The following CNTN5 variants were observed in gnomAD, a reference collection of about 807,000 sequenced individuals.
CNTN5 encodes the protein contactin-5.
A neutral mutation model predicts 129.1 loss-of-function variants in CNTN5; 77 were observed. That is an observed-to-expected ratio of 0.60 (90% CI 0.50 to 0.72). The LOEUF is 0.72. Among genes scored for constraint, CNTN5 ranks in the 30% least tolerant of loss-of-function variants. The pLI, the probability that CNTN5 is intolerant of heterozygous loss-of-function variation, is 0.00. For synonymous variants in CNTN5, 509 were observed against 465.6 expected, an observed-to-expected ratio of 1.09 and a Z score of -1.20; for missense variants, 1,478 against 1,328.8, an observed-to-expected ratio of 1.11 and a Z score of -1.75.
At chr11:99,974,731 G>A (rs1034986825) in intron 8 of CNTN5, among the ~76,000 whole-genome samples, 1 of 152,120 alleles carries the variant, frequency 6.6e-6, no homozygotes, top group African/African-American at 2.4e-5. Context: ...TTAATTATCT[G>A]TCAAATTATC....
intron 3 of CNTN5, among the ~76,000 whole-genome samples, chr11:99,660,436 T>C (rs1411838997): frequency 6.6e-6 from 1 of 152,126 alleles, no homozygotes; most frequent in Non-Finnish European, 1.5e-5. Context: ...TGTATCTATA[T>C]GTCAAAACTC....
chr11:100,244,299 T>A (rs1275777141), intron 16 of CNTN5, among the ~76,000 whole-genome samples: 2 of 152,184 alleles, frequency 1.3e-5, no homozygotes, highest in Admixed American at 1.3e-4. Context: ...TTTTTCCTCT[T>A]TAACTGCTAG....
rs558003020 is a variant in CNTN5, at chr11:99,619,371, A to T, written c.55+63102A>T. Among the ~76,000 whole-genome samples, 15 of 152,166 alleles carry T rather than the reference A, an allele frequency of 9.9e-5. No individual in the cohort carries two copies. In the South Asian group the frequency reaches 2.7e-3, roughly 27 times the overall value. Reference sequence around the variant, plus strand: ...GAGCAACTAATTAAACATAATATATATTTCTGTCTGGTTTTTCGTTATGTT... The same window carrying T: ...GAGCAACTAATTAAACATAATATATTTTTCTGTCTGGTTTTTCGTTATGTT... On this transcript the variant is annotated intron_variant, in intron 3 of 24. Coordinates refer to ENST00000524871, the MANE Select transcript of CNTN5 (RefSeq NM_014361.4).
intron 1 of CNTN5, among the ~76,000 whole-genome samples, chr11:99,188,524 C>A (rs1376859545): frequency 2.6e-5 from 4 of 151,710 alleles, no homozygotes; most frequent in Non-Finnish European, 4.4e-5. Context: ...TGAGATTGAG[C>A]AACTTTCATG....
intron 6 of CNTN5, among the ~76,000 whole-genome samples, chr11:99,852,050 T>G (rs1947889968): frequency 1.3e-5 from 2 of 152,222 alleles, no homozygotes; most frequent in African/African-American, 4.8e-5. Flanking sequence ...TGAATATTAA[T>G]CTGAATGAGT....
chr11:100,122,565 G>A (rs927655134), intron 13 of CNTN5, among the ~76,000 whole-genome samples: 1 of 152,102 alleles, frequency 6.6e-6, no homozygotes, highest in Non-Finnish European at 1.5e-5. Flanking sequence ...GGAGAGGTCA[G>A]ATTTGAGCAT....
chr11:99,315,455 A>C (rs1865299971), intron 1 of CNTN5, among the ~76,000 whole-genome samples: 1 of 149,462 alleles, frequency 6.7e-6, no homozygotes, highest in Non-Finnish European at 1.5e-5. Context: ...TGAGGAAAGC[A>C]CCAGGTTGAA....
chr11:99,140,514 G>C (rs527827612), intron 1 of CNTN5, among the ~76,000 whole-genome samples: 1 of 151,718 alleles, frequency 6.6e-6, no homozygotes, highest in Non-Finnish European at 1.5e-5. Context: ...GCTCAGACTA[G>C]GCCTTTCAGT....
At chr11:99,547,303 C>T (rs759017837) in intron 2 of CNTN5, among the ~76,000 whole-genome samples, 10 of 152,032 alleles carry the variant, frequency 6.6e-5, no homozygotes, top group South Asian at 2.1e-4. Flanking sequence ...CGCGCCTGGT[C>T]GAAAATTATT....
chr11:99,294,368 C>A (rs1002495821), intron 1 of CNTN5, among the ~76,000 whole-genome samples: 11 of 152,020 alleles, frequency 7.2e-5, no homozygotes, highest in African/African-American at 2.4e-4. Flanking sequence ...TTTCTATGTG[C>A]CAGCAGCAAA....
At chr11:100,202,782 C>G (rs1948813006) in intron 15 of CNTN5, among the ~76,000 whole-genome samples, 1 of 151,886 alleles carries the variant, frequency 6.6e-6, no homozygotes, top group Non-Finnish European at 1.5e-5. Context: ...AATGAGAACA[C>G]TGAGCCCCAG....
At chr11:100,185,481 G>A (rs565372081) in intron 13 of CNTN5, among the ~76,000 whole-genome samples, 1 of 152,216 alleles carries the variant, frequency 6.6e-6, no homozygotes, top group African/African-American at 2.4e-5. Context: ...AAAGAAGAGC[G>A]AGGTCTCGGT....
In CNTN5 at chr11:99,978,983, C is replaced by T. The variant is rs546102273; in HGVS notation, c.877+21974C>T. Among the ~76,000 whole-genome samples the T allele has an allele frequency of 7.6e-4, 116 of 152,194 alleles. 1 individual carries two copies. The highest frequency in any genetic ancestry group is 6.8e-3 in the Middle Eastern group (2 of 294). On this transcript the variant is annotated intron_variant, in intron 8 of 24. Transcript: ENST00000524871. ...AATTAGGTTGCTATCCCAGTTCTGC[C>T]CCGCTTTAACTATGTGACCCACTCT...
chr11:99,212,315 T>C (rs536405386), intron 1 of CNTN5, among the ~76,000 whole-genome samples: 1 of 152,328 alleles, frequency 6.6e-6, no homozygotes, highest in East Asian at 1.9e-4. Flanking sequence ...GTCCAGAATC[T>C]TTACAGCTTA....
Position 99,201,351 on chromosome 11 carries a change from T to TTTCCTTCCTTCC in CNTN5, c.-209-123975_-209-123964dup, listed in dbSNP as rs71046674. Among the ~76,000 whole-genome samples the TTTCCTTCCTTCC allele has an allele frequency of 4.5e-3, 401 of 88,176 alleles. 6 individuals are homozygous for TTTCCTTCCTTCC. Among genetic ancestry groups the TTTCCTTCCTTCC allele is most frequent in the African/African-American group, 5.9e-3 (118 of 20,014 alleles). 57.8% of individuals were successfully genotyped at this position (88,176 alleles called of 152,430 possible). A position where few individuals can be genotyped will look rare whatever the true frequency, so the allele number is the denominator to read the frequency against. The stretch of plus-strand genomic sequence containing the variant: ...TTCCTTCCTTCCTTCCTTCCTTTCC[T>TTTCCTTCCTTCC]TTCCTTCCTTCCTTCCTTCCTTCCT... On this transcript the variant is annotated intron_variant, in intron 1 of 24. Coordinates refer to ENST00000524871, the MANE Select transcript of CNTN5 (RefSeq NM_014361.4).
At chr11:99,655,711 C>A (rs1009894564) in intron 3 of CNTN5, among the ~76,000 whole-genome samples, 1 of 151,988 alleles carries the variant, frequency 6.6e-6, no homozygotes, top group African/African-American at 2.4e-5. Flanking sequence ...CTGCTTTATC[C>A]ATTTTATATA....
intron 7 of CNTN5, among the ~76,000 whole-genome samples, chr11:99,923,757 G>GTCTGTCTGTCTATCTATCTA (rs71050033): frequency 5.7e-5 from 8 of 140,590 alleles, no homozygotes; most frequent in Non-Finnish European, 9.2e-5. Flanking sequence ...CTATCTGTCT[G>GTCTGTCTGTCTATCTATCTA]TCTATCTATC....
chr11:99,548,409 G>A (rs1469910711), intron 2 of CNTN5, among the ~76,000 whole-genome samples: 1 of 152,200 alleles, frequency 6.6e-6, no homozygotes, highest in Non-Finnish European at 1.5e-5. Context: ...TAAAAGCAAA[G>A]TTGAAAAATT....
chr11:99,441,043 C>T (rs952270393), intron 2 of CNTN5, among the ~76,000 whole-genome samples: 1 of 152,008 alleles, frequency 6.6e-6, no homozygotes, highest in Non-Finnish European at 1.5e-5. Flanking sequence ...TGGTCTGAAA[C>T]ACATAGCCTC....
Sources: gnomAD v4.1 joint callset for allele counts (sites outside exome capture counted in the v4.1 genomes callset) on GRCh38, gnomAD v4.1.1 for gene constraint, MANE v1.5 for transcripts, NCBI Gene and HGNC (gene_info 2026-07-23, HGNC 2026-07-21) for gene names.